The following CFAP206 variants were observed in gnomAD, a reference collection of about 807,000 sequenced individuals.
CFAP206 encodes the protein cilia- and flagella-associated protein 206.
A neutral mutation model predicts 65.4 loss-of-function variants in CFAP206; 53 were observed. The ratio of observed to expected loss-of-function variants is 0.81; its 90% CI spans 0.65 to 1.02. The LOEUF (loss-of-function observed/expected upper bound fraction) is 1.02, where lower values mean the gene tolerates loss of function less well. CFAP206 is among the 50% of genes least tolerant of loss of function. The pLI, the probability that CFAP206 is intolerant of heterozygous loss-of-function variation, is 0.00. For missense variants in CFAP206, 663 were observed against 753.2 expected, an observed-to-expected ratio of 0.88 and a Z score of 1.40; for synonymous variants, 250 against 254.4, an observed-to-expected ratio of 0.98 and a Z score of 0.17.
At chr6:87,444,814 T>C (rs1401255367) in intron 11 of CFAP206, 6 of 549,162 alleles carry the variant, frequency 1.1e-5, no homozygotes, top group Non-Finnish European at 1.4e-5. Flanking sequence ...TGTGCTAGCA[T>C]CTTTGTAATC....
chr6:87,420,979 GTTGA>G (rs1260089363), intron 7 of CFAP206, among the ~76,000 whole-genome samples: 4 of 152,060 alleles, frequency 2.6e-5, no homozygotes, highest in African/African-American at 9.7e-5. Context: ...GACAATTAAG[GTTGA>G]TTATTATGAA....
chr6:87,462,982 T>C (rs958045158), intron 12 of CFAP206, among the ~76,000 whole-genome samples: 3 of 152,182 alleles, frequency 2.0e-5, no homozygotes, highest in East Asian at 1.9e-4. Context: ...TCAGAATTGA[T>C]TGAGAATTTG....
intron 3 of CFAP206, among the ~76,000 whole-genome samples, chr6:87,411,998 A>G (rs1767742720): frequency 6.6e-6 from 1 of 152,208 alleles, no homozygotes; most frequent in South Asian, 2.1e-4. Flanking sequence ...CAGAAATTTT[A>G]TTGGAAAGCC....
At chr6:87,433,430 T>C (rs1263590399) in intron 10 of CFAP206, among the ~76,000 whole-genome samples, 2 of 152,210 alleles carry the variant, frequency 1.3e-5, no homozygotes, top group Non-Finnish European at 2.9e-5. Flanking sequence ...ACAAACTATG[T>C]GGATATTTAA....
intron 11 of CFAP206, among the ~76,000 whole-genome samples, chr6:87,457,923 G>A (rs1005174028): frequency 6.6e-6 from 1 of 152,156 alleles, no homozygotes; most frequent in Non-Finnish European, 1.5e-5. Flanking sequence ...CTATCCATCT[G>A]ATAAGGGACT....
At position 87,418,317 on chromosome 6, in the gene CFAP206, A is replaced by G; in HGVS notation, c.741A>G (p.Ala247=). The change falls in exon 7 of 13, where the codon GCA becomes GCG. Residue 247 remains alanine, a synonymous_variant. Transcript: ENST00000369562. ...VYRYTAILEK[A]ANDPLMRAEL... Reference sequence around the variant, plus strand: ...GCTACACAGCCATCCTTGAGAAGGCAGCCAACGACCCACTCATGAGGGCTG... The same window carrying G: ...GCTACACAGCCATCCTTGAGAAGGCGGCCAACGACCCACTCATGAGGGCTG... The G allele has an allele frequency of 1.2e-6, 2 of 1,614,186 alleles. No homozygotes were observed. Among genetic ancestry groups the G allele is most frequent in the Non-Finnish European group, 1.7e-6 (2 of 1,180,026 alleles).
At chr6:87,419,594 G>C (rs1767903799) in intron 7 of CFAP206, among the ~76,000 whole-genome samples, 1 of 152,150 alleles carries the variant, frequency 6.6e-6, no homozygotes, top group East Asian at 1.9e-4. Context: ...GTAACTATGA[G>C]ATTCTCGGTT....
chr6:87,426,635 C>G lies in CFAP206; in HGVS notation c.950C>G (p.Ser317Ter). Residue 317 changes from serine to a stop codon, truncating the protein, a stop_gained, in exon 8 of 13, where the codon TCA becomes TGA. Transcript: ENST00000369562. LOFTEE classifies it high-confidence loss of function. ...AAATCAAAGATAGCGGTCCCAACAT[C>G]ACAAGTCTTTGTAAGTATTTGTCAT... is the stretch of plus-strand genomic sequence containing the variant. ...TIKSKIAVPTSQVFPIFIALS... is the reference protein window; with the variant it reads ...TIKSKIAVPT 1.3e-6 allele frequency: 2 copies of G among 1,581,800 alleles called. No homozygotes were observed. The highest frequency in any genetic ancestry group is 1.7e-6 in the Non-Finnish European group (2 of 1,164,782).
chr6:87,449,437 A>C (rs1768503272), intron 11 of CFAP206, among the ~76,000 whole-genome samples: 1 of 70,722 alleles, frequency 1.4e-5, no homozygotes, highest in African/African-American at 1.1e-4. Flanking sequence ...ACTCCATCTC[A>C]AAAAAAAAAA....
rs767554033 is a variant in CFAP206, at chr6:87,428,726, T to C, written c.1061T>C (p.Leu354Ser). 1.2e-5 allele frequency: 19 copies of C among 1,614,060 alleles called. No individual in the cohort carries two copies. The highest frequency in any genetic ancestry group is 3.3e-4 in the Middle Eastern group (2 of 6,084). ...TTATTCACTCACATTCAGCCATTCT[T>C]GGGTGCTCACGAACTATACTTTCCT... ...SNLFTHIQPFLGAHELYFPER... is the reference protein window; with the variant it reads ...SNLFTHIQPFSGAHELYFPER... The change falls in exon 9 of 13, where the codon TTG becomes TCG. Residue 354 changes from leucine to serine, a missense_variant. By Grantham distance (145) the Leu-to-Ser change is moderately radical. Coordinates refer to ENST00000369562, the MANE Select transcript of CFAP206 (RefSeq NM_001031743.3).
intron 7 of CFAP206, among the ~76,000 whole-genome samples, chr6:87,423,958 T>A (rs1767992575): frequency 6.6e-6 from 1 of 152,208 alleles, no homozygotes; most frequent in South Asian, 2.1e-4. Context: ...AGAAAGCATA[T>A]AATTAGGCTA....
chr6:87,414,390 C>T (rs1767789200), intron 4 of CFAP206, among the ~76,000 whole-genome samples: 1 of 152,152 alleles, frequency 6.6e-6, no homozygotes, highest in African/African-American at 2.4e-5. Flanking sequence ...CTCTGACTCC[C>T]ATGTTGAAGC....
chr6:87,447,060 G>C (rs1768456713), intron 11 of CFAP206, among the ~76,000 whole-genome samples: 1 of 152,138 alleles, frequency 6.6e-6, no homozygotes, highest in South Asian at 2.1e-4. Context: ...CTGAGACTTT[G>C]CTGAAGTTGC....
At chr6:87,414,013 A>G in intron 4 of CFAP206, 113 bp downstream of exon 4, 1 of 496,288 alleles carries the variant, frequency 2.0e-6, no homozygotes, top group Non-Finnish European at 3.3e-6. Context: ...TAACAATTTA[A>G]TTTTTGGCAA....
chr6:87,428,089 G>T (rs1365665667), intron 8 of CFAP206, among the ~76,000 whole-genome samples: 1 of 147,778 alleles, frequency 6.8e-6, no homozygotes, highest in Non-Finnish European at 1.5e-5. Flanking sequence ...CCGGGTTCAA[G>T]CGATTCTCCT....
chr6:87,462,002 G>A (rs1768758554), intron 12 of CFAP206, among the ~76,000 whole-genome samples: 2 of 152,196 alleles, frequency 1.3e-5, no homozygotes, highest in Admixed American at 1.3e-4. Flanking sequence ...TAGAAGCAGG[G>A]CATTTTATGA....
intron 10 of CFAP206, among the ~76,000 whole-genome samples, chr6:87,432,003 A>G (rs1232563025): frequency 6.6e-6 from 1 of 152,218 alleles, no homozygotes; most frequent in Admixed American, 6.5e-5. Context: ...TAAAGAATAA[A>G]TCAGAGATAG....
At position 87,429,083 on chromosome 6, in the gene CFAP206, G is replaced by A. The variant is rs537178179; in HGVS notation, c.1159+259G>A. Among the ~76,000 whole-genome samples the A allele has an allele frequency of 1.4e-4, 21 of 152,194 alleles. No homozygotes were observed. The South Asian group carries it at 3.7e-3, about 27-fold the overall frequency. ...TCTACTAAAAATACAAAAATTAGCCGGGCATGGTGGTGGGCGCCTGTAATC... is the reference window on the plus strand; with the variant it reads ...TCTACTAAAAATACAAAAATTAGCCAGGCATGGTGGTGGGCGCCTGTAATC... On this transcript the variant is annotated intron_variant, in intron 9 of 12. Transcript: ENST00000369562.
intron 11 of CFAP206, chr6:87,435,716 C>T (rs559384767): frequency 6.6e-6 from 1 of 152,336 alleles, no homozygotes; most frequent in East Asian, 1.9e-4. Context: ...ATGGAGAGCA[C>T]TGGCACAATC....
Sources: gnomAD v4.1 joint callset for allele counts (sites outside exome capture counted in the v4.1 genomes callset) on GRCh38, gnomAD v4.1.1 for gene constraint, MANE v1.5 for transcripts, NCBI Gene and HGNC (gene_info 2026-07-23, HGNC 2026-07-21) for gene names.